Variants in B4GALT3 observed in about 807,000 individuals in gnomAD.
B4GALT3 encodes the protein beta-1,4-galactosyltransferase 3, also known as N-acetyllactosamine synthase.
Under a neutral mutation model 40.7 loss-of-function variants are expected in B4GALT3, and 29 were observed. The observed-to-expected ratio is 0.71, with a 90% confidence interval of 0.53 to 0.97. The LOEUF is 0.97. B4GALT3 is among the 50% of genes least tolerant of loss of function. The pLI, the probability that B4GALT3 is intolerant of heterozygous loss-of-function variation, is 0.00. For missense variants in B4GALT3, 390 were observed against 522.3 expected, an observed-to-expected ratio of 0.75 and a Z score of 2.47; for synonymous variants, 182 against 203.9, an observed-to-expected ratio of 0.89 and a Z score of 0.92.
chr1:161,171,332 G>A lies in B4GALT3; in HGVS notation c.*484C>T. 7.9e-7 allele frequency: 1 copy of A among 1,270,800 alleles called. No homozygotes were observed. The highest frequency in any genetic ancestry group is 1.1e-6 in the Non-Finnish European group (1 of 904,878). 78.7% of individuals were successfully genotyped at this position (1,270,800 alleles called of 1,614,324 possible). On this transcript the variant is annotated 3_prime_UTR_variant, in exon 8 of 8. Coordinates refer to ENST00000319769, the MANE Select transcript of B4GALT3 (RefSeq NM_003779.4). ...AGATGCGAGACAAAGTCCTTTATTA[G>A]AAAATATATCAAAATCCCAGCCCCC...
Position 161,173,593 on chromosome 1 carries a change from AG to A in B4GALT3, c.803+11del, listed in dbSNP as rs772929705. The A allele has an allele frequency of 2.3e-5, 37 of 1,613,490 alleles. No homozygotes were observed. The Admixed American group carries it at 3.7e-4, about 16-fold the overall frequency. Reference sequence around the variant, plus strand: ...CTGGGGTCAGGAGGGAGGAAGTGGCAGGAAGTCTGACCTGGTAGCAATGTCG... The same window carrying A: ...CTGGGGTCAGGAGGGAGGAAGTGGCAGAAGTCTGACCTGGTAGCAATGTCG... On this transcript the variant is annotated intron_variant, in intron 6 of 7. Transcript: ENST00000319769.
chr1:161,176,984 C>T, intron 1 of B4GALT3: 1 of 1,536,010 alleles, frequency 6.5e-7, no homozygotes, highest in Non-Finnish European at 8.7e-7. Context: ...GTGCAGGGAC[C>T]GTGACCACCT....
At position 161,176,458 on chromosome 1, in the gene B4GALT3, G is replaced by A. The variant is rs1200061204; in HGVS notation, c.-39C>T. The A allele has an allele frequency of 5.3e-6, 2 of 379,180 alleles. No homozygotes were observed. The allele number at this position is 379,180 out of a possible 1,614,324, so 23.5% of individuals were successfully genotyped here. A position where few individuals can be genotyped will look rare whatever the true frequency, so the allele number is the denominator to read the frequency against. On this transcript the variant is annotated 5_prime_UTR_variant, in exon 2 of 8. Transcript: ENST00000319769. Reference sequence around the variant, plus strand: ...CCTAGGTTCAAGCTGTCTTCTTAGGGATCATGGGGGCTCCAGGGGGTCCCG... The same window carrying A: ...CCTAGGTTCAAGCTGTCTTCTTAGGAATCATGGGGGCTCCAGGGGGTCCCG...
intron 3 of B4GALT3, 86 bp from the exon 4 acceptor site, chr1:161,175,314 G>A (rs1477409310): frequency 4.1e-6 from 5 of 1,211,262 alleles, no homozygotes; most frequent in South Asian, 1.3e-5. Context: ...TCTGACACTG[G>A]CAGTCTGGTT....
chr1:161,172,558 C>T (rs1279004554), intron 6 of B4GALT3: 5 of 507,178 alleles, frequency 9.9e-6, no homozygotes, highest in Non-Finnish European at 1.7e-5. Context: ...GGCCTTTAAA[C>T]AGTTGGCAAC....
At chr1:161,177,098 G>A in intron 1 of B4GALT3, 2 of 1,529,096 alleles carry the variant, frequency 1.3e-6, no homozygotes, top group Non-Finnish European at 1.8e-6. Flanking sequence ...GTGGGGAGGA[G>A]GGTTACTGCT....
In B4GALT3 at chr1:161,173,895, C is replaced by T. The variant is rs199539404; in HGVS notation, c.644G>A (p.Arg215His). 97 of 1,613,938 alleles carry T rather than the reference C, an allele frequency of 6.0e-5. No individual in the cohort carries two copies. Among genetic ancestry groups the T allele is most frequent in the African/African-American group, 1.3e-5 (1 of 74,912 alleles). The change falls in exon 5 of 8, where the codon CGC becomes CAC. Residue 215 changes from arginine (R) to histidine (H), a missense_variant. Arg to His is a conservative substitution (Grantham distance 29). This residue lies in a region of B4GALT3 where 135 missense variants were observed against 227.8 expected (regional missense o/e 0.59). Transcript: ENST00000319769. Reference protein sequence around the residue: ...NLYVCDPRGPRHVAVAMNKFG... With the variant: ...NLYVCDPRGPHHVAVAMNKFG... ...CTTGTTCATAGCAACGGCAACATGG[C>T]GGGGTCCCCGGGGGTCACACACATA...
rs1362079122 is a variant in B4GALT3, at chr1:161,175,112, G to A, written c.370C>T (p.Arg124Ter). 3.1e-6 allele frequency: 5 copies of A among 1,613,856 alleles called. No homozygotes were observed. Among genetic ancestry groups the A allele is most frequent in the Admixed American group, 1.7e-5 (1 of 59,982 alleles). The change falls in exon 4 of 8, where the codon CGA becomes TGA. Residue 124 changes from arginine (R) to a stop codon, truncating the protein, a stop_gained. Coordinates refer to ENST00000319769, the MANE Select transcript of B4GALT3 (RefSeq NM_003779.4). LOFTEE classifies it high-confidence loss of function. Reference protein sequence around the residue: ...YRPAGCEPRSRTAIIVPHRAR... With the variant: ...YRPAGCEPRS ...CGATGAGGCACAATGATGGCTGTTC[G>A]GGAGCGGGGCTCACAACCTGCAGGG... is the stretch of plus-strand genomic sequence containing the variant.
In B4GALT3 at chr1:161,173,659, C is replaced by A. The variant is rs1175026048; in HGVS notation, c.749G>T (p.Gly250Val). ...LTPDQYLKMN[G>V]FPNEYWGWGG... is the part of the protein sequence containing the mutation. ...CCAGCCCCAGTATTCATTGGGGAAG[C>A]CATTCATCTTCAGGTACTGGTCAGG... is the stretch of plus-strand genomic sequence containing the variant. Residue 250 changes from glycine (G) to valine (V), a missense_variant, in exon 6 of 8, where the codon GGC becomes GTC. This residue lies in a region of B4GALT3 where 135 missense variants were observed against 227.8 expected (regional missense o/e 0.59). Coordinates refer to ENST00000319769, the MANE Select transcript of B4GALT3 (RefSeq NM_003779.4). 5.6e-6 allele frequency: 9 copies of A among 1,613,998 alleles called. No individual in the cohort carries two copies. In the Admixed American group the frequency reaches 1.5e-4, roughly 27 times the overall value.
In B4GALT3 at chr1:161,171,695, C is replaced by A. The variant is rs556696668; in HGVS notation, c.*121G>T. 60 of 1,408,342 alleles carry A rather than the reference C, an allele frequency of 4.3e-5. No individual in the cohort carries two copies. The African/African-American group carries it at 5.5e-4, about 13-fold the overall frequency. 87.2% of individuals were successfully genotyped at this position (1,408,342 alleles called of 1,614,324 possible). ...AGCAGTGAGGGAGAGGCCCCTACCC[C>A]CTAGCACGGCACCAGAGTTCAGTTC... On this transcript the variant is annotated 3_prime_UTR_variant, in exon 8 of 8. Coordinates refer to ENST00000319769, the MANE Select transcript of B4GALT3 (RefSeq NM_003779.4).
At chr1:161,173,549 T>TA in intron 6 of B4GALT3, 56 bp downstream of exon 6, 1 of 1,611,206 alleles carries the variant, frequency 6.2e-7, no homozygotes, top group Admixed American at 1.7e-5. Context: ...AAGGTGGTCT[T>TA]AGAGGACAGG....
chr1:161,173,514 G>C, intron 6 of B4GALT3, 91 bp downstream of exon 6: 1 of 1,577,358 alleles, frequency 6.3e-7, no homozygotes, highest in Non-Finnish European at 8.7e-7. Context: ...GGGAGCTAAA[G>C]GTTAGTGTTG....
chr1:161,174,095 G>T, intron 4 of B4GALT3, 46 bp from the exon 5 acceptor site: 1 of 1,580,752 alleles, frequency 6.3e-7, no homozygotes. Flanking sequence ...TAGGTGGCAC[G>T]GAGAAAAGGG....
In B4GALT3 at chr1:161,171,919, C is replaced by T. The variant is rs367875334; in HGVS notation, c.1079G>A (p.Gly360Asp). 3 of 1,614,004 alleles carry T rather than the reference C, an allele frequency of 1.9e-6. No homozygotes were observed. Among genetic ancestry groups the T allele is most frequent in the African/African-American group, 2.7e-5 (2 of 74,896 alleles). The change falls in exon 8 of 8, where the codon GGT (glycine) becomes GAT (aspartate). Residue 360 changes from glycine to aspartate, a missense_variant. Physicochemically the swap from Gly to Asp is moderately conservative, Grantham distance 94. Coordinates refer to ENST00000319769, the MANE Select transcript of B4GALT3 (RefSeq NM_003779.4). ...RAPSGPRYPP[G>D]SSQAFRQEML... ...CTCTTGACGGAAGGCTTGGGAGGAA[C>T]CAGGTGGGTAACGTGGCCCAGAAGG...
intron 2 of B4GALT3, 75 bp downstream of exon 2, chr1:161,176,359 C>T: frequency 2.0e-6 from 1 of 509,248 alleles, no homozygotes; most frequent in Non-Finnish European, 3.5e-6. Context: ...TTACATCATT[C>T]AAATCTCATG....
chr1:161,171,967 G>C lies in B4GALT3; in HGVS notation c.1031C>G (p.Thr344Ser), dbSNP rs766374908. The C allele has an allele frequency of 6.8e-6, 11 of 1,614,068 alleles. No homozygotes were observed. In the African/African-American group the frequency reaches 1.1e-4, roughly 16 times the overall value. ...LYTNITADIG[T>S]DPRGPRAPSG... ...AGGAGCCCGAGGACCCCGAGGGTCA[G>C]TCCCAATGTCTGCTGTGATGTTGGT... The change falls in exon 8 of 8, where the codon ACT (threonine) becomes AGT (serine). Residue 344 changes from threonine (T) to serine (S), a missense_variant. Thr to Ser is a moderately conservative substitution (Grantham distance 58). Coordinates refer to ENST00000319769, the MANE Select transcript of B4GALT3 (RefSeq NM_003779.4).
chr1:161,172,288 C>T lies in B4GALT3; in HGVS notation c.847G>A (p.Val283Ile), dbSNP rs964727068. 2.5e-6 allele frequency: 4 copies of T among 1,613,952 alleles called. No homozygotes were observed. The African/African-American group carries it at 5.3e-5, about 22-fold the overall frequency. Reference protein sequence around the residue: ...GMKISRPPTSVGHYKMVKHRG... With the variant: ...GMKISRPPTSIGHYKMVKHRG... ...TGCTTCACCATCTTATAGTGTCCTA[C>T]AGATGTGGGGGGCCGAGAGATCTTC... is the stretch of plus-strand genomic sequence containing the variant. The change falls in exon 7 of 8, where the codon GTA becomes ATA. Residue 283 changes from valine to isoleucine, a missense_variant. Around this residue, in one of 3 missense-constraint regions of B4GALT3, gnomAD observed 135 missense variants for 227.8 expected, o/e 0.59. Transcript: ENST00000319769.
At chr1:161,176,286 T>C (rs1204329756) in intron 2 of B4GALT3, 148 bp downstream of exon 2, 1 of 613,820 alleles carries the variant, frequency 1.6e-6, no homozygotes, top group Non-Finnish European at 2.8e-6. Flanking sequence ...CAAGTTTCGC[T>C]CTCCTCTACC....
chr1:161,171,754 G>A lies in B4GALT3; in HGVS notation c.*62C>T. 5 of 1,578,338 alleles carry A rather than the reference G, an allele frequency of 3.2e-6. No individual in the cohort carries two copies. The highest frequency in any genetic ancestry group is 4.3e-6 in the Non-Finnish European group (5 of 1,155,180). ...CCCTCTGAGAACAGTGAGGAGCTGA[G>A]GGTGGGGAGAATACAACCCCATGAA... On this transcript the variant is annotated 3_prime_UTR_variant, in exon 8 of 8. Transcript: ENST00000319769.
Sources: gnomAD v4.1 joint callset for allele counts on GRCh38, gnomAD v4.1.1 for gene constraint, gnomAD v4.1.1 regional missense constraint, MANE v1.5 for transcripts, NCBI Gene and HGNC (gene_info 2026-07-23, HGNC 2026-07-21) for gene names.